Variants in DUSP14 observed in about 807,000 individuals in gnomAD.
DUSP14 encodes the protein dual specificity protein phosphatase 14.
A neutral mutation model predicts 13.2 loss-of-function variants in DUSP14; 5 were observed. That is an observed-to-expected ratio of 0.38 (90% CI 0.20 to 0.80). The LOEUF (loss-of-function observed/expected upper bound fraction) is 0.80, where lower values mean the gene tolerates loss of function less well. Ranked by LOEUF, DUSP14 falls within the 30% of genes least tolerant of loss-of-function variation. The pLI, the probability that DUSP14 is intolerant of heterozygous loss-of-function variation, is 0.44. For missense variants in DUSP14, 185 were observed against 264.0 expected (o/e 0.70, Z 2.07); for synonymous variants, 91 against 103.4 (o/e 0.88, Z 0.73).
intron 1 of DUSP14, among the ~76,000 whole-genome samples, chr17:37,508,888 G>A (rs970671182): frequency 2.7e-5 from 4 of 147,718 alleles, no homozygotes; most frequent in African/African-American, 1.0e-4. Flanking sequence ...GCATATGTAC[G>A]CACAAAGACC....
chr17:37,490,061 C>G (rs2054016251), intron 1 of DUSP14, 103 bp downstream of exon 1: 1 of 150,208 alleles, frequency 6.7e-6, no homozygotes, highest in Non-Finnish European at 1.5e-5. Context: ...CAGGGGGACC[C>G]AGAGGCCCGC....
At chr17:37,494,902 A>G (rs1449524301) in intron 1 of DUSP14, among the ~76,000 whole-genome samples, 2 of 152,088 alleles carry the variant, frequency 1.3e-5, no homozygotes, top group Non-Finnish European at 2.9e-5. Flanking sequence ...AAATCACTCT[A>G]TTTTCAGTCT....
chr17:37,495,622 G>A (rs937449886), intron 1 of DUSP14, among the ~76,000 whole-genome samples: 3 of 152,030 alleles, frequency 2.0e-5, no homozygotes, highest in African/African-American at 7.2e-5. Flanking sequence ...CTGGGAAAGT[G>A]ACCAGTAGGT....
At chr17:37,505,804 C>G (rs536015085) in intron 1 of DUSP14, among the ~76,000 whole-genome samples, 1 of 152,156 alleles carries the variant, frequency 6.6e-6, no homozygotes, top group Admixed American at 6.5e-5. Context: ...TGCCCGCATC[C>G]CAGGAGCTCT....
At chr17:37,511,797 G>A (rs2054188434) in intron 2 of DUSP14, among the ~76,000 whole-genome samples, 1 of 150,398 alleles carries the variant, frequency 6.6e-6, no homozygotes, top group Non-Finnish European at 1.5e-5. Flanking sequence ...TTTTTTTGTA[G>A]AGATGGGGTC....
intron 1 of DUSP14, among the ~76,000 whole-genome samples, chr17:37,508,883 T>C (rs1300126966): frequency 6.7e-6 from 1 of 148,464 alleles, no homozygotes; most frequent in African/African-American, 2.5e-5. Context: ...GGAAGGCATA[T>C]GTACGCACAA....
Position 37,509,135 on chromosome 17 carries a change from A to ATATATATATATATATG in DUSP14, c.-180-1542_-180-1541insTATATATATATATATG, listed in dbSNP as rs1568204456. 3.1e-4 allele frequency among the ~76,000 whole-genome samples: 12 copies of ATATATATATATATATG among 38,956 alleles called. 1 individual carries two copies. The East Asian group carries it at 5.2e-3, about 17-fold the overall frequency. The allele number at this position is 38,956 out of a possible 152,430, so 25.6% of individuals were successfully genotyped here. On this transcript the variant is annotated intron_variant, in intron 1 of 2. Transcript: ENST00000617516. ...TATATATATATATATATATACACAC[A>ATATATATATATATATG]CACACACACACACACACACACACAC...
intron 1 of DUSP14, among the ~76,000 whole-genome samples, chr17:37,492,302 G>T (rs751609725): frequency 6.6e-6 from 1 of 152,228 alleles, no homozygotes; most frequent in Non-Finnish European, 1.5e-5. Context: ...ACGTCAAAGG[G>T]AGTGGAAGAC....
chr17:37,499,455 T>G (rs1474151982), intron 1 of DUSP14, among the ~76,000 whole-genome samples: 1 of 152,200 alleles, frequency 6.6e-6, no homozygotes, highest in South Asian at 2.1e-4. Context: ...TCCTCCTGCC[T>G]TGGCCTCCCA....
At chr17:37,502,012 T>A (rs576861944) in intron 1 of DUSP14, among the ~76,000 whole-genome samples, 1 of 152,344 alleles carries the variant, frequency 6.6e-6, no homozygotes, top group East Asian at 1.9e-4. Flanking sequence ...GTTGTTTTTA[T>A]ATGTGTATCT....
chr17:37,503,207 T>G (rs1368160641), intron 1 of DUSP14, among the ~76,000 whole-genome samples: 10 of 152,178 alleles, frequency 6.6e-5, no homozygotes. Flanking sequence ...GGTAGATTGC[T>G]TGAGCCCAGG....
intron 1 of DUSP14, among the ~76,000 whole-genome samples, chr17:37,492,793 C>CT (rs1568198376): frequency 2.0e-5 from 3 of 152,146 alleles, no homozygotes; most frequent in African/African-American, 7.2e-5. Flanking sequence ...GGTCAAGAAT[C>CT]TGACTCCACA....
intron 1 of DUSP14, among the ~76,000 whole-genome samples, chr17:37,496,756 C>A (rs1478811051): frequency 6.6e-6 from 1 of 150,948 alleles, no homozygotes; most frequent in East Asian, 1.9e-4. Flanking sequence ...CCATCTCAAA[C>A]AAACAAAAAA....
chr17:37,495,505 A>T (rs1014020815), intron 1 of DUSP14, among the ~76,000 whole-genome samples: 2 of 152,032 alleles, frequency 1.3e-5, no homozygotes, highest in Middle Eastern at 6.8e-3. Context: ...TATGTCTTTG[A>T]GTGTGTGGGT....
intron 1 of DUSP14, among the ~76,000 whole-genome samples, chr17:37,491,925 G>A (rs1003465413): frequency 3.3e-5 from 5 of 152,198 alleles, no homozygotes; most frequent in Admixed American, 6.5e-5. Flanking sequence ...TAACTGCCGA[G>A]TGCATCTTGA....
chr17:37,513,062 A>T lies in DUSP14; in HGVS notation c.*193A>T, dbSNP rs774148743. 5.4e-6 allele frequency: 3 copies of T among 555,360 alleles called. No homozygotes were observed. Among genetic ancestry groups the T allele is most frequent in the African/African-American group, 1.9e-5 (1 of 53,134 alleles). The allele number at this position is 555,360 out of a possible 1,614,324, so 34.4% of individuals were successfully genotyped here. ...AGGGAATGCATACATTGCTAGTCAC[A>T]TTTTTAAAATTAACATTTTGGAATA... On this transcript the variant is annotated 3_prime_UTR_variant, in exon 3 of 3. Coordinates refer to ENST00000617516, the MANE Select transcript of DUSP14 (RefSeq NM_007026.4).
upstream of DUSP14, among the ~76,000 whole-genome samples, chr17:37,488,608 C>G (rs746056332): frequency 6.6e-6 from 1 of 152,172 alleles, no homozygotes; most frequent in Non-Finnish European, 1.5e-5. Flanking sequence ...TTTGTTTTCT[C>G]TTAGATTAAT....
chr17:37,491,450 G>C (rs762351369), intron 1 of DUSP14: 1 of 152,174 alleles, frequency 6.6e-6, no homozygotes, highest in Non-Finnish European at 1.5e-5. Context: ...CCCTATTCCT[G>C]CCTCCAGCTC....
At chr17:37,509,115 A>ATGTGTG (rs1555697266) in intron 1 of DUSP14, among the ~76,000 whole-genome samples, 3 of 36,850 alleles carry the variant, frequency 8.1e-5, no homozygotes, top group East Asian at 9.6e-4. Context: ...ATATATATAT[A>ATGTGTG]TATATATATA....
Sources: allele counts gnomAD v4.1 joint callset (sites outside exome capture counted in the v4.1 genomes callset), GRCh38; gene constraint gnomAD v4.1.1; transcripts MANE v1.5; gene names NCBI Gene and HGNC (gene_info 2026-07-23, HGNC 2026-07-21).